The following FOCAD variants were observed in gnomAD, a reference collection of about 807,000 sequenced individuals.
The protein encoded by FOCAD is KIAA1797.
In FOCAD, 198 loss-of-function variants were observed where a neutral mutation model predicts 225.6. The observed-to-expected ratio is 0.88, with a 90% confidence interval of 0.78 to 0.99. The LOEUF is 0.99. Among genes scored for constraint, FOCAD ranks in the 50% least tolerant of loss-of-function variants. The pLI, the probability that FOCAD is intolerant of heterozygous loss-of-function variation, is 0.00. For synonymous variants in FOCAD, 897 were observed against 755.0 expected (o/e 1.19, Z -3.08); for missense variants, 2,713 against 2,123.6 (o/e 1.28, Z -5.46).
intron 5 of FOCAD, among the ~76,000 whole-genome samples, chr9:20,752,545 T>C (rs1563945283): frequency 6.6e-6 from 1 of 152,220 alleles, no homozygotes; most frequent in Admixed American, 6.5e-5. Flanking sequence ...AGTACCATGC[T>C]GTTTTGGTTA....
intron 15 of FOCAD, among the ~76,000 whole-genome samples, chr9:20,838,724 C>G (rs1374701719): frequency 3.3e-5 from 5 of 151,972 alleles, no homozygotes; most frequent in Admixed American, 2.0e-4. Context: ...CTACTGAATC[C>G]AAATCTCTAG....
chr9:20,985,896 C>G (rs960062726), intron 39 of FOCAD, among the ~76,000 whole-genome samples: 1 of 152,144 alleles, frequency 6.6e-6, no homozygotes, highest in Non-Finnish European at 1.5e-5. Flanking sequence ...TCTTATGTAT[C>G]TTGGGGTTCC....
chr9:20,691,541 G>GAGC, intron 1 of FOCAD, among the ~76,000 whole-genome samples: 1 of 151,870 alleles, frequency 6.6e-6, no homozygotes, highest in Non-Finnish European at 1.5e-5. Context: ...GAGTGCAGTG[G>GAGC]CGTCATCTCG....
At chr9:20,681,338 C>T (rs1466339256), upstream of FOCAD, among the ~76,000 whole-genome samples, 1 of 152,158 alleles carries the variant, frequency 6.6e-6, no homozygotes, top group Non-Finnish European at 1.5e-5. Flanking sequence ...CTCAAGTTAT[C>T]CTCCCACTTG....
intron 2 of FOCAD, among the ~76,000 whole-genome samples, chr9:20,660,554 G>A (rs1821684850): frequency 6.6e-6 from 1 of 152,120 alleles, no homozygotes; most frequent in Admixed American, 6.5e-5. Flanking sequence ...TAAAATCTGA[G>A]GACATTTCAA....
chr9:20,748,792 G>A (rs547678576), intron 5 of FOCAD, among the ~76,000 whole-genome samples: 1 of 151,794 alleles, frequency 6.6e-6, no homozygotes, highest in South Asian at 2.1e-4. Flanking sequence ...CAATTTATGG[G>A]TCTAATCACC....
chr9:20,818,657 T>C lies in FOCAD; in HGVS notation c.1456-1139T>C, dbSNP rs978265157. Among the ~76,000 whole-genome samples, 7 of 152,190 alleles carry C rather than the reference T, an allele frequency of 4.6e-5. No homozygotes were observed. In the East Asian group the frequency reaches 1.4e-3, roughly 29 times the overall value. ...CCTTATTGTTTTTTTCTGGGGATCC[T>C]TGTCAAAAACCAATTGATTATAAAT... On this transcript the variant is annotated intron_variant, in intron 11 of 43. Coordinates refer to ENST00000338382, the MANE Select transcript of FOCAD (RefSeq NM_001375567.1).
intron 11 of FOCAD, among the ~76,000 whole-genome samples, chr9:20,797,060 T>C (rs1450335957): frequency 6.6e-6 from 1 of 152,242 alleles, no homozygotes. Flanking sequence ...CACCATCATT[T>C]ATTAAATAGG....
chr9:20,693,586 G>A (rs1020744975), intron 1 of FOCAD, among the ~76,000 whole-genome samples: 1 of 152,176 alleles, frequency 6.6e-6, no homozygotes, highest in African/African-American at 2.4e-5. Context: ...TTAAATGGAG[G>A]AATGAAAGGT....
At chr9:20,763,290 T>C (rs1829774582) in intron 6 of FOCAD, among the ~76,000 whole-genome samples, 1 of 152,184 alleles carries the variant, frequency 6.6e-6, no homozygotes, top group Admixed American at 6.5e-5. Flanking sequence ...GTTTATAGTC[T>C]GGCAGGGGGA....
intron 5 of FOCAD, among the ~76,000 whole-genome samples, chr9:20,740,943 C>G (rs1041947965): frequency 1.3e-5 from 2 of 152,076 alleles, no homozygotes; most frequent in Non-Finnish European, 2.9e-5. Flanking sequence ...GGTGACCTTA[C>G]CTATTGCCTT....
At position 20,929,435 on chromosome 9, in the gene FOCAD, A is replaced by G. The variant is rs200321259; in HGVS notation, c.3156A>G (p.Pro1052=). 11 of 1,614,108 alleles carry G rather than the reference A, an allele frequency of 6.8e-6. No individual in the cohort carries two copies. The East Asian group carries it at 2.2e-4, about 33-fold the overall frequency. Residue 1052 remains proline (P), a synonymous_variant, in exon 27 of 44, where the codon CCA becomes CCG. Coordinates refer to ENST00000338382, the MANE Select transcript of FOCAD (RefSeq NM_001375567.1). Reference sequence around the variant, plus strand: ...CCACGGCTTTGTCTCTCCTTGTGCCAGTTTTCATTATCTCTTGCAAAGAGA... The same window carrying G: ...CCACGGCTTTGTCTCTCCTTGTGCCGGTTTTCATTATCTCTTGCAAAGAGA... ...AAATALSLLV[P]VFIISCKEKV... is the part of the protein sequence containing the mutation.
At chr9:20,721,416 A>C (rs568397535) in intron 4 of FOCAD, among the ~76,000 whole-genome samples, 1 of 152,158 alleles carries the variant, frequency 6.6e-6, no homozygotes, top group East Asian at 1.9e-4. Context: ...AATTTGTGGA[A>C]AGATGCTGGA....
chr9:20,688,404 G>A (rs747724571), intron 1 of FOCAD, among the ~76,000 whole-genome samples: 3 of 152,154 alleles, frequency 2.0e-5, no homozygotes, highest in African/African-American at 7.2e-5. Flanking sequence ...ATGACTTGCC[G>A]AGATAGGAAT....
chr9:20,825,092 T>C (rs573916494), intron 15 of FOCAD, among the ~76,000 whole-genome samples: 1 of 152,024 alleles, frequency 6.6e-6, no homozygotes, highest in African/African-American at 2.4e-5. Context: ...CCTTTGAGGC[T>C]TGATGATGGT....
At chr9:20,679,115 CTGTGTATG>C (rs1436022223) in intron 2 of FOCAD, among the ~76,000 whole-genome samples, 4 of 92,964 alleles carry the variant, frequency 4.3e-5, no homozygotes, top group Admixed American at 1.0e-4. Context: ...AACAGACAGT[CTGTGTATG>C]TGTGTGTGTG....
chr9:20,982,572 T>C (rs1284087849), intron 39 of FOCAD, 126 bp downstream of exon 39: 3 of 715,778 alleles, frequency 4.2e-6, no homozygotes, highest in Admixed American at 4.7e-5. Context: ...TTCAGGAAAC[T>C]ATATTTCATT....
intron 7 of FOCAD, among the ~76,000 whole-genome samples, chr9:20,766,483 G>T (rs1830061358): frequency 6.6e-6 from 1 of 151,996 alleles, no homozygotes. Context: ...GTACTATTTT[G>T]CAAGGCAACC....
intron 21 of FOCAD, among the ~76,000 whole-genome samples, chr9:20,893,066 G>GT (rs1429409651): frequency 6.6e-6 from 1 of 152,022 alleles, no homozygotes; most frequent in Non-Finnish European, 1.5e-5. Flanking sequence ...CCAGGCTGGA[G>GT]TGCAGTGACT....
Sources: allele counts gnomAD v4.1 joint callset (sites outside exome capture counted in the v4.1 genomes callset), GRCh38; gene constraint gnomAD v4.1.1; transcripts MANE v1.5; gene names NCBI Gene and HGNC (gene_info 2026-07-23, HGNC 2026-07-21).